Variants in OSBP2 observed in about 807,000 individuals in gnomAD.
The protein encoded by OSBP2 is oxysterol binding protein 2.
A neutral mutation model predicts 96.0 loss-of-function variants in OSBP2; 66 were observed. That is an observed-to-expected ratio of 0.69 (90% CI 0.56 to 0.84). The LOEUF is 0.84. OSBP2 is among the 40% of genes least tolerant of loss of function. OSBP2 has a pLI of 0.00. For missense variants in OSBP2, 1,038 were observed against 1,222.7 expected, an observed-to-expected ratio of 0.85 and a Z score of 2.25; for synonymous variants, 525 against 520.9, an observed-to-expected ratio of 1.01 and a Z score of -0.11.
At chr22:30,899,368 C>T (rs1263961304) in intron 12 of OSBP2, among the ~76,000 whole-genome samples, 4 of 143,918 alleles carry the variant, frequency 2.8e-5, no homozygotes, top group African/African-American at 5.2e-5. Context: ...ACTACTACTG[C>T]ATACCAGCCT....
chr22:30,711,951 T>A (rs1443365210), intron 1 of OSBP2, among the ~76,000 whole-genome samples: 1 of 152,098 alleles, frequency 6.6e-6, no homozygotes, highest in East Asian at 1.9e-4. Context: ...TTTATTCAGC[T>A]AATGCTTAGA....
chr22:30,772,693 G>GAGTTTC (rs1209281000), intron 2 of OSBP2, among the ~76,000 whole-genome samples: 4 of 152,194 alleles, frequency 2.6e-5, no homozygotes, highest in African/African-American at 9.6e-5. Context: ...AATGTCCTCT[G>GAGTTTC]CCTCTCTTGG....
Position 30,857,865 on chromosome 22 carries a change from T to G in OSBP2, c.854-12564T>G, listed in dbSNP as rs183698566. 5.9e-5 allele frequency among the ~76,000 whole-genome samples: 9 copies of G among 152,070 alleles called. No homozygotes were observed. In the East Asian group the frequency reaches 1.4e-3, roughly 23 times the overall value. Reference sequence around the variant, plus strand: ...GAATCTGCCTGTGTGGAGTAAGAGGTTTCCCCTCAGCAGGCACTGTGGGTC... The same window carrying G: ...GAATCTGCCTGTGTGGAGTAAGAGGGTTCCCCTCAGCAGGCACTGTGGGTC... On this transcript the variant is annotated intron_variant, in intron 2 of 13. Transcript: ENST00000332585.
intron 2 of OSBP2, among the ~76,000 whole-genome samples, chr22:30,761,699 CAG>C (rs2090206252): frequency 6.6e-6 from 1 of 152,168 alleles, no homozygotes; most frequent in Non-Finnish European, 1.5e-5. Flanking sequence ...AGAAACAAGA[CAG>C]TGTGATGTTG....
In OSBP2 at chr22:30,887,551, C is replaced by G; in HGVS notation, c.1233C>G (p.Asn411Lys). 1 of 1,613,374 alleles carries G rather than the reference C, an allele frequency of 6.2e-7. No homozygotes were observed. The highest frequency in any genetic ancestry group is 8.5e-7 in the Non-Finnish European group (1 of 1,179,958). ...TTGAGCAGCTGGCGAAGCAGCACAA[C>G]AGCCTCGAGCGGGCCTTCCACAGTG... ...ETIEQLAKQH[N>K]SLERAFHSAP... Residue 411 changes from asparagine (N) to lysine (K), a missense_variant, in exon 4 of 14, where the codon AAC becomes AAG. Around this residue, in one of 3 missense-constraint regions of OSBP2, gnomAD observed 737 missense variants for 913.3 expected, o/e 0.81. Coordinates refer to ENST00000332585, the MANE Select transcript of OSBP2 (RefSeq NM_030758.4).
intron 1 of OSBP2, among the ~76,000 whole-genome samples, chr22:30,738,851 C>T (rs1308563864): frequency 1.3e-5 from 2 of 152,118 alleles, no homozygotes; most frequent in East Asian, 1.9e-4. Context: ...CGTGAGCCAC[C>T]GTGCCCAGCT....
Position 30,881,021 on chromosome 22 carries a change from G to A in OSBP2, c.1108-6405G>A, listed in dbSNP as rs1474543976. On this transcript the variant is annotated intron_variant, in intron 3 of 13. Coordinates refer to ENST00000332585, the MANE Select transcript of OSBP2 (RefSeq NM_030758.4). The surrounding 1 kb of genome is among the most constrained non-coding windows in gnomAD (Gnocchi z 4.5). ...TCCCCAGGTGGGGCTGCCCCAGGGC[G>A]GAGACCCCCCTTGTCTGTCGAGCTT... Among the ~76,000 whole-genome samples the A allele has an allele frequency of 3.9e-5, 6 of 152,124 alleles. No individual in the cohort carries two copies. Among genetic ancestry groups the A allele is most frequent in the African/African-American group, 9.7e-5 (4 of 41,424 alleles).
intron 2 of OSBP2, among the ~76,000 whole-genome samples, chr22:30,795,518 A>ATT (rs136288): frequency 7.4e-5 from 9 of 122,290 alleles, no homozygotes; most frequent in African/African-American, 1.6e-4. Context: ...TATCCAATGC[A>ATT]TTTTTTTTTT....
At chr22:30,851,250 A>T (rs2038973167) in intron 2 of OSBP2, among the ~76,000 whole-genome samples, 1 of 148,076 alleles carries the variant, frequency 6.8e-6, no homozygotes. Flanking sequence ...TTTTTTTTTT[A>T]GTAGAGATGG....
At chr22:30,863,729 CT>C (rs1433742211) in intron 2 of OSBP2, among the ~76,000 whole-genome samples, 1 of 152,228 alleles carries the variant, frequency 6.6e-6, no homozygotes, top group African/African-American at 2.4e-5. Flanking sequence ...ATTAATCACA[CT>C]GTGGGCCCGA....
chr22:30,903,454 G>GT, intron 12 of OSBP2, among the ~76,000 whole-genome samples: 1 of 152,248 alleles, frequency 6.6e-6, no homozygotes, highest in Non-Finnish European at 1.5e-5. Flanking sequence ...CAAAGGGATA[G>GT]GCTCACACGA....
intron 2 of OSBP2, among the ~76,000 whole-genome samples, chr22:30,840,054 CTTT>C (rs1313548284): frequency 1.8e-5 from 2 of 109,300 alleles, no homozygotes; most frequent in East Asian, 2.7e-4. Context: ...TTTCAGCTTT[CTTT>C]TTTTTTTTTT....
chr22:30,712,257 C>T (rs540144335), intron 1 of OSBP2, among the ~76,000 whole-genome samples: 1 of 151,860 alleles, frequency 6.6e-6, no homozygotes, highest in African/African-American at 2.4e-5. Context: ...TCACCTTTTC[C>T]TCCCACCTGG....
At chr22:30,728,024 G>A (rs2089680837) in intron 1 of OSBP2, among the ~76,000 whole-genome samples, 1 of 151,850 alleles carries the variant, frequency 6.6e-6, no homozygotes, top group Non-Finnish European at 1.5e-5. Flanking sequence ...AAAATTGCTT[G>A]AACCCGGGAG....
intron 2 of OSBP2, among the ~76,000 whole-genome samples, chr22:30,824,404 G>A (rs2038353227): frequency 1.3e-5 from 2 of 152,198 alleles, no homozygotes; most frequent in South Asian, 4.1e-4. Context: ...GACCCTAGGG[G>A]GGAATACGGG....
At chr22:30,740,173 T>C (rs1265899898) in intron 1 of OSBP2, among the ~76,000 whole-genome samples, 2 of 151,686 alleles carry the variant, frequency 1.3e-5, no homozygotes, top group East Asian at 1.9e-4. Context: ...AAGGATAACT[T>C]GGAGGGTGGT....
intron 2 of OSBP2, among the ~76,000 whole-genome samples, chr22:30,745,213 C>G (rs2089983254): frequency 6.7e-6 from 1 of 149,388 alleles, no homozygotes; most frequent in Non-Finnish European, 1.5e-5. Context: ...ATTTGTGTGC[C>G]AGAAAAAAAT....
chr22:30,754,495 G>A, intron 2 of OSBP2, among the ~76,000 whole-genome samples: 1 of 152,192 alleles, frequency 6.6e-6, no homozygotes, highest in East Asian at 1.9e-4. Flanking sequence ...AGAGACTCAT[G>A]TGGGCAGCAC....
At chr22:30,762,221 C>CAAAAAAT (rs1257245615) in intron 2 of OSBP2, among the ~76,000 whole-genome samples, 1 of 150,648 alleles carries the variant, frequency 6.6e-6, no homozygotes, top group South Asian at 2.1e-4. Context: ...GACTCCATCT[C>CAAAAAAT]AAAAAATAAA....
Sources: gnomAD v4.1 joint callset for allele counts (sites outside exome capture counted in the v4.1 genomes callset) on GRCh38, gnomAD v4.1.1 for gene constraint, gnomAD v4.1.1 regional missense constraint, Gnocchi (gnomAD v3.1) non-coding constraint, MANE v1.5 for transcripts, NCBI Gene and HGNC (gene_info 2026-07-23, HGNC 2026-07-21) for gene names.